Variants in ACER1 observed in about 807,000 individuals in gnomAD.
ACER1 encodes the protein CTB-180A7.3.
In ACER1, 28 loss-of-function variants were observed where a neutral mutation model predicts 24.9. The ratio of observed to expected loss-of-function variants is 1.13; its 90% CI spans 0.83 to 1.54. The LOEUF (loss-of-function observed/expected upper bound fraction) is 1.54, where lower values mean the gene tolerates loss of function less well. ACER1 is among the 40% of genes most tolerant of loss of function. The pLI, the probability that ACER1 is intolerant of heterozygous loss-of-function variation, is 0.00. For missense variants in ACER1, 352 were observed against 349.3 expected (o/e 1.01, Z -0.06); for synonymous variants, 132 against 131.4 (o/e 1.00, Z -0.03).
At chr19:6,354,537 AAAT>A in the ACER1 span, among the ~76,000 whole-genome samples, 1 of 152,230 alleles carries the variant, frequency 6.6e-6, no homozygotes, top group African/African-American at 2.4e-5. Flanking sequence ...GACATTGCTC[AAAT>A]AATAAGTTTC....
At chr19:6,341,038 G>C in the ACER1 span, among the ~76,000 whole-genome samples, 1 of 151,888 alleles carries the variant, frequency 6.6e-6, no homozygotes, top group Admixed American at 6.6e-5. Context: ...AGTGTCTAGA[G>C]GCAACCCATG....
upstream of ACER1, among the ~76,000 whole-genome samples, chr19:6,335,224 C>CTTT (rs146932699): frequency 5.9e-5 from 6 of 102,224 alleles, no homozygotes; most frequent in Admixed American, 1.1e-4. Flanking sequence ...ATTTAACGTT[C>CTTT]TTTTTTTTTT....
intron 1 of ACER1, among the ~76,000 whole-genome samples, chr19:6,327,494 G>A (rs1041887748): frequency 6.6e-6 from 1 of 151,992 alleles, no homozygotes; most frequent in African/African-American, 2.4e-5. Context: ...GAACCCGGGA[G>A]GCGGAGCTTG....
chr19:6,312,576 A>C, intron 1 of ACER1, 77 bp from the exon 2 acceptor site: 1 of 1,151,140 alleles, frequency 8.7e-7, no homozygotes, highest in Admixed American at 1.8e-5. Context: ...CCAGACACTC[A>C]GTCACCAGCC....
chr19:6,349,448 AGAAG>A, the ACER1 span, among the ~76,000 whole-genome samples: 264 of 129,388 alleles, frequency 2.0e-3, no homozygotes, highest in African/African-American at 6.7e-3. Context: ...AAGGGAGGAA[AGAAG>A]GAAGGAAGGA....
At chr19:6,313,357 G>C (rs1479381873) in intron 1 of ACER1, among the ~76,000 whole-genome samples, 1 of 152,150 alleles carries the variant, frequency 6.6e-6, no homozygotes, top group African/African-American at 2.4e-5. Context: ...CCAGCCTCAA[G>C]TGATCCTCCC....
At chr19:6,334,486 T>C (rs1053182522), upstream of ACER1, among the ~76,000 whole-genome samples, 6 of 151,934 alleles carry the variant, frequency 3.9e-5, no homozygotes, top group African/African-American at 1.5e-4. Flanking sequence ...CTGGGATGAC[T>C]GGCACCTGCC....
chr19:6,316,127 CAAAA>C (rs891945458), intron 1 of ACER1, among the ~76,000 whole-genome samples: 1 of 151,516 alleles, frequency 6.6e-6, no homozygotes, highest in Non-Finnish European at 1.5e-5. Flanking sequence ...GACTCCGTCT[CAAAA>C]AAAGAAAAAA....
the ACER1 span, among the ~76,000 whole-genome samples, chr19:6,340,471 G>C: frequency 2.0e-5 from 3 of 152,090 alleles, no homozygotes; most frequent in African/African-American, 7.2e-5. Flanking sequence ...CCGCTTCCCA[G>C]GTGGACCAGG....
chr19:6,355,760 C>T, the ACER1 span, among the ~76,000 whole-genome samples: 2 of 139,852 alleles, frequency 1.4e-5, no homozygotes, highest in Non-Finnish European at 3.1e-5. Context: ...GGGGGGTCAG[C>T]CCCCCACCCG....
chr19:6,332,511 G>A (rs58124313), intron 1 of ACER1, among the ~76,000 whole-genome samples: 3 of 151,894 alleles, frequency 2.0e-5, no homozygotes, highest in Non-Finnish European at 2.9e-5. Flanking sequence ...GGGCTCAAGC[G>A]ATCTTCCTGC....
At chr19:6,358,088 C>T in the ACER1 span, among the ~76,000 whole-genome samples, 1 of 152,134 alleles carries the variant, frequency 6.6e-6, no homozygotes, top group Non-Finnish European at 1.5e-5. Flanking sequence ...GCCCTTCTCC[C>T]CAGGGCGGGG....
intron 4 of ACER1, 41 bp from the exon 5 acceptor site, chr19:6,307,331 C>T (rs369764190): frequency 2.9e-5 from 47 of 1,608,968 alleles, no homozygotes; most frequent in Middle Eastern, 1.7e-4. Context: ...GCTCGGAGAG[C>T]AGCACCTGAT....
the ACER1 span, among the ~76,000 whole-genome samples, chr19:6,341,503 C>A: frequency 4.8e-5 from 6 of 126,142 alleles, no homozygotes; most frequent in Admixed American, 3.5e-4. Flanking sequence ...CAACCTGGGC[C>A]ACAGAGCAAG....
chr19:6,307,235 C>T lies in ACER1; in HGVS notation c.544G>A (p.Val182Ile), dbSNP rs147053887. 4.6e-3 allele frequency: 7,359 copies of T among 1,614,148 alleles called. 21 individuals carry two copies. The highest frequency in any genetic ancestry group is 5.3e-3 in the Non-Finnish European group (6,263 of 1,180,034). ...TCACTGATCCAGCTGGTCAGAGCAA[C>T]AGCCCATAAAACCACGGAGACCTCA... ...LIEVSVVLWA[V>I]ALTSWISDRL... Residue 182 changes from valine (V) to isoleucine (I), a missense_variant, in exon 5 of 6, where the codon GTT becomes ATT. Physicochemically the swap from Val to Ile is conservative, Grantham distance 29 (BLOSUM62 3). Transcript: ENST00000301452.
the ACER1 span, among the ~76,000 whole-genome samples, chr19:6,350,122 C>A: frequency 6.6e-6 from 1 of 151,658 alleles, no homozygotes; most frequent in African/African-American, 2.4e-5. Context: ...CAAAGTGAGA[C>A]CCTGCCCTGT....
chr19:6,309,437 G>T (rs1183373727), intron 4 of ACER1, among the ~76,000 whole-genome samples: 2 of 151,736 alleles, frequency 1.3e-5, no homozygotes, highest in African/African-American at 4.8e-5. Context: ...TGGGAGGATT[G>T]CTTGAGCCTG....
chr19:6,348,427 T>C, the ACER1 span, among the ~76,000 whole-genome samples: 1 of 142,566 alleles, frequency 7.0e-6, no homozygotes, highest in African/African-American at 2.7e-5. Flanking sequence ...ATCTCACGAC[T>C]GCACTCCAGC....
chr19:6,333,584 C>T lies in ACER1; in HGVS notation c.-33G>A. The stretch of plus-strand genomic sequence containing the variant: ...CAGTGGCCACCACCAGCCGGCTGCG[C>T]CCGGCAGAGAGAAGGCGAGCTTGGG... On this transcript the variant is annotated 5_prime_UTR_variant, in exon 1 of 6. Transcript: ENST00000301452. 7 of 1,541,422 alleles carry T rather than the reference C, an allele frequency of 4.5e-6. No homozygotes were observed. Among genetic ancestry groups the T allele is most frequent in the African/African-American group, 1.4e-5 (1 of 73,292 alleles).
Sources: allele counts gnomAD v4.1 joint callset (sites outside exome capture counted in the v4.1 genomes callset), GRCh38; gene constraint gnomAD v4.1.1; transcripts MANE v1.5; gene names NCBI Gene and HGNC (gene_info 2026-07-23, HGNC 2026-07-21).